PCSK5: variants seen among roughly 807,000 people sequenced by gnomAD.
The protein encoded by PCSK5 is proprotein convertase subtilisin/kexin type 5.
PCSK5 carries 129 observed loss-of-function variants against 233.2 expected under a neutral mutation model. The observed-to-expected ratio is 0.55, with a 90% confidence interval of 0.48 to 0.64. The LOEUF is 0.64. Among genes scored for constraint, PCSK5 ranks in the 30% least tolerant of loss-of-function variants. PCSK5 has a pLI of 0.00. For synonymous variants in PCSK5, 825 were observed against 879.2 expected (o/e 0.94, Z 1.09); for missense variants, 2,076 against 2,430.1 (o/e 0.85, Z 3.06).
intron 1 of PCSK5, among the ~76,000 whole-genome samples, chr9:75,905,774 G>A (rs1334475459): frequency 6.6e-6 from 1 of 152,102 alleles, no homozygotes; most frequent in Admixed American, 6.5e-5. Flanking sequence ...AGGGATCTAG[G>A]TTGCGTGCTC....
At chr9:76,315,629 G>T (rs890360655) in intron 30 of PCSK5, among the ~76,000 whole-genome samples, 1 of 150,392 alleles carries the variant, frequency 6.6e-6, no homozygotes, top group Non-Finnish European at 1.5e-5. Context: ...GCAGATCTGT[G>T]TGGAGAAGAC....
At chr9:76,168,279 G>C (rs1823172892) in intron 12 of PCSK5, among the ~76,000 whole-genome samples, 1 of 152,156 alleles carries the variant, frequency 6.6e-6, no homozygotes, top group African/African-American at 2.4e-5. Flanking sequence ...AGCCCCCTGA[G>C]TAGTGGGACT....
At chr9:76,204,073 T>C (rs2131274081) in intron 20 of PCSK5, among the ~76,000 whole-genome samples, 1 of 152,304 alleles carries the variant, frequency 6.6e-6, no homozygotes, top group African/African-American at 2.4e-5. Context: ...ACATGTTGGT[T>C]ACTAATATTA....
In PCSK5 at chr9:76,093,080, CTT is replaced by C. The variant is rs71372045; in HGVS notation, c.895-2786_895-2785del. Among the ~76,000 whole-genome samples the C allele has an allele frequency of 6.1e-3, 519 of 85,696 alleles. 2 individuals carry two copies. The highest frequency in any genetic ancestry group is 0.015 in the African/African-American group (365 of 23,786). The allele number at this position is 85,696 out of a possible 152,430, so 56.2% of individuals were successfully genotyped here. A position where few individuals can be genotyped will look rare whatever the true frequency, so the allele number is the denominator to read the frequency against. ...TACACACGCCCTTTTTTGTCTTTCCCTTTTTTTTTTTTTTTTTTTTTTTTTCC... is the reference window on the plus strand; with the variant it reads ...TACACACGCCCTTTTTTGTCTTTCCCTTTTTTTTTTTTTTTTTTTTTTTCC... On this transcript the variant is annotated intron_variant, in intron 7 of 37. Coordinates refer to ENST00000674117, the MANE Select transcript of PCSK5 (RefSeq NM_001372043.1).
chr9:76,035,183 G>GTT (rs1445225285), intron 5 of PCSK5, among the ~76,000 whole-genome samples: 3 of 152,136 alleles, frequency 2.0e-5, no homozygotes, highest in Non-Finnish European at 2.9e-5. Flanking sequence ...ACACAAGTAT[G>GTT]TTTGTTCTTT....
At chr9:76,109,438 T>TAA (rs147036208) in intron 9 of PCSK5, among the ~76,000 whole-genome samples, 32,497 of 75,046 alleles carry the variant, frequency 0.43, 3,696 homozygotes, top group East Asian at 0.56. Flanking sequence ...TATTATTTTT[T>TAA]TAAAAAAAAA....
chr9:76,045,335 T>G (rs1829328291), intron 5 of PCSK5, among the ~76,000 whole-genome samples: 1 of 152,190 alleles, frequency 6.6e-6, no homozygotes, highest in Admixed American at 6.5e-5. Context: ...ACAGTGATTA[T>G]TTCAACATTC....
At chr9:76,190,231 G>A (rs1824305019) in intron 20 of PCSK5, among the ~76,000 whole-genome samples, 1 of 151,978 alleles carries the variant, frequency 6.6e-6, no homozygotes, top group South Asian at 2.1e-4. Context: ...TTGGACAAAT[G>A]TATAACAACA....
intron 1 of PCSK5, among the ~76,000 whole-genome samples, chr9:75,900,863 C>T (rs140085307): frequency 1.7e-3 from 259 of 152,078 alleles, no homozygotes; most frequent in African/African-American, 6.1e-3. Context: ...CCTATCCTTC[C>T]ACTAGCTGGT....
intron 9 of PCSK5, among the ~76,000 whole-genome samples, chr9:76,132,225 C>T (rs1331639408): frequency 6.6e-6 from 1 of 152,188 alleles, no homozygotes; most frequent in East Asian, 1.9e-4. Context: ...TGTTTGTCAG[C>T]AAAGGCTCAA....
chr9:76,138,971 T>C (rs1468299535), intron 10 of PCSK5, among the ~76,000 whole-genome samples: 6 of 58,510 alleles, frequency 1.0e-4, no homozygotes, highest in African/African-American at 4.7e-4. Context: ...AACTACTAGA[T>C]TTTTTTTTTT....
intron 20 of PCSK5, among the ~76,000 whole-genome samples, chr9:76,216,333 A>G (rs1400871102): frequency 1.3e-5 from 2 of 152,204 alleles, no homozygotes; most frequent in Non-Finnish European, 2.9e-5. Flanking sequence ...GCATTGAGTC[A>G]TACCACTCTG....
chr9:76,287,848 C>T lies in PCSK5; in HGVS notation c.3143-4385C>T, dbSNP rs117489822. ...CTAAGAGGCAGGTCTGACAGACATA[C>T]TTCAGGCTTCTGCAGGTTCGACATA... On this transcript the variant is annotated intron_variant, in intron 24 of 37. Transcript: ENST00000674117. 3.0e-3 allele frequency: 644 copies of T among 213,046 alleles called. 11 individuals are homozygous for T. The East Asian group carries it at 0.055, about 18-fold the overall frequency. 13.2% of individuals were successfully genotyped at this position (213,046 alleles called of 1,614,324 possible). A position where few individuals can be genotyped will look rare whatever the true frequency, so the allele number is the denominator to read the frequency against.
chr9:75,941,118 A>G (rs1371026174), intron 2 of PCSK5, among the ~76,000 whole-genome samples: 6 of 152,196 alleles, frequency 3.9e-5, no homozygotes, highest in Non-Finnish European at 5.9e-5. Flanking sequence ...CCTCTCTCCC[A>G]GCCTGCCCTC....
chr9:76,144,182 A>C (rs1823343382), intron 10 of PCSK5, among the ~76,000 whole-genome samples: 1 of 152,156 alleles, frequency 6.6e-6, no homozygotes, highest in African/African-American at 2.4e-5. Flanking sequence ...AGTAGTCTTA[A>C]GAAGCTGTAT....
At chr9:76,115,909 C>T (rs1253001262) in intron 9 of PCSK5, among the ~76,000 whole-genome samples, 1 of 151,986 alleles carries the variant, frequency 6.6e-6, no homozygotes, top group Non-Finnish European at 1.5e-5. Context: ...CATTGTCTTG[C>T]CCTATAATTT....
At chr9:76,022,161 A>G (rs115732881) in intron 3 of PCSK5, among the ~76,000 whole-genome samples, 1,673 of 152,290 alleles carry the variant, frequency 0.011, 37 homozygotes, top group South Asian at 0.058. Context: ...TTAAAACACA[A>G]AGAGCCTTTA....
At chr9:76,052,365 TCA>T (rs1463463211) in intron 5 of PCSK5, among the ~76,000 whole-genome samples, 1 of 152,156 alleles carries the variant, frequency 6.6e-6, no homozygotes, top group South Asian at 2.1e-4. Flanking sequence ...TTTAATGGAC[TCA>T]CAGTTCCACA....
At position 76,361,369 on chromosome 9, in the gene PCSK5, A is replaced by ACTAT. The variant is rs1358612826; in HGVS notation, c.*2450_*2451insTCTA. ...CAAAAAATAAGTAACTAACTAACTA[A>ACTAT]CTAAATAAATAAATAAATAAAATTA... On this transcript the variant is annotated 3_prime_UTR_variant, in exon 38 of 38. Coordinates refer to ENST00000674117, the MANE Select transcript of PCSK5 (RefSeq NM_001372043.1). 6.6e-6 allele frequency: 1 copy of ACTAT among 151,836 alleles called. No homozygotes were observed. Among genetic ancestry groups the ACTAT allele is most frequent in the Non-Finnish European group, 1.5e-5 (1 of 68,020 alleles). 9.4% of individuals were successfully genotyped at this position (151,836 alleles called of 1,614,324 possible).
Sources: allele counts gnomAD v4.1 joint callset (sites outside exome capture counted in the v4.1 genomes callset), GRCh38; gene constraint gnomAD v4.1.1; transcripts MANE v1.5; gene names NCBI Gene and HGNC (gene_info 2026-07-23, HGNC 2026-07-21).